RB1: variants seen among roughly 807,000 people sequenced by gnomAD.
RB1 encodes the protein RB transcriptional corepressor 1, also known as retinoblastoma-associated protein.
Under a neutral mutation model 135.4 loss-of-function variants are expected in RB1, and 18 were observed. That is an observed-to-expected ratio of 0.13 (90% confidence interval 0.09 to 0.20). RB1 has a LOEUF of 0.20. RB1 is among the 10% of genes least tolerant of loss of function. The probability of loss-of-function intolerance (pLI) is 1.00; values close to 1 mark genes in which losing one functional copy is unlikely to be tolerated. For synonymous variants in RB1, 365 were observed against 373.2 expected (o/e 0.98, Z 0.25); for missense variants, 868 against 1,110.0 (o/e 0.78, Z 3.10).
At chr13:48,412,226 A>C (rs199707535) in intron 17 of RB1, 1 of 1,614,110 alleles carries the variant, frequency 6.2e-7, no homozygotes, top group South Asian at 1.1e-5. Context: ...AAGTAAAAAC[A>C]AAAAGCAAGT....
At chr13:48,342,497 T>G (rs1179131616) in intron 2 of RB1, 102 bp from the exon 3 acceptor site, 2 of 754,064 alleles carry the variant, frequency 2.7e-6, no homozygotes, top group African/African-American at 3.5e-5. Flanking sequence ...ACATTTATTT[T>G]GTATGCTGAA....
intron 17 of RB1, among the ~76,000 whole-genome samples, chr13:48,443,358 C>CT (rs1370070996): frequency 1.3e-5 from 2 of 151,778 alleles, no homozygotes; most frequent in Non-Finnish European, 2.9e-5. Context: ...TATTCATTTG[C>CT]TTTTTTATTT....
chr13:48,348,943 A>G lies in RB1; in HGVS notation c.540-13A>G. ...TTTTCCTGTTTTTTTTCTGCTTTCTATTTGTTTAATAGGATATCTACTGAA... is the reference window on the plus strand; with the variant it reads ...TTTTCCTGTTTTTTTTCTGCTTTCTGTTTGTTTAATAGGATATCTACTGAA... On this transcript the variant is annotated splice_polypyrimidine_tract_variant and intron_variant, in intron 5 of 26. Coordinates refer to ENST00000267163, the MANE Select transcript of RB1 (RefSeq NM_000321.3). 1 of 1,594,364 alleles carries G rather than the reference A, an allele frequency of 6.3e-7. No individual in the cohort carries two copies. Among genetic ancestry groups the G allele is most frequent in the Non-Finnish European group, 8.5e-7 (1 of 1,169,722 alleles).
chr13:48,441,420 T>C (rs963116869), intron 17 of RB1, among the ~76,000 whole-genome samples: 4 of 152,152 alleles, frequency 2.6e-5, no homozygotes, highest in African/African-American at 9.7e-5. Context: ...TCCAAACATA[T>C]AGAAGTAGTA....
At chr13:48,386,316 A>G (rs1188238050) in intron 17 of RB1, among the ~76,000 whole-genome samples, 15 of 152,034 alleles carry the variant, frequency 9.9e-5, no homozygotes, top group Admixed American at 9.8e-4. Context: ...CCTGCTACAC[A>G]TCAGGGTAGG....
intron 17 of RB1, among the ~76,000 whole-genome samples, chr13:48,425,575 A>G (rs1949067976): frequency 6.6e-6 from 1 of 152,162 alleles, no homozygotes; most frequent in South Asian, 2.1e-4. Context: ...CCAAGTTACT[A>G]AAAATTAATG....
At chr13:48,340,541 AT>A (rs1952432915) in intron 2 of RB1, among the ~76,000 whole-genome samples, 1 of 150,722 alleles carries the variant, frequency 6.6e-6, no homozygotes. Flanking sequence ...AACATACTAA[AT>A]TTTAGCAACT....
At chr13:48,430,676 G>T (rs1311363903) in intron 17 of RB1, among the ~76,000 whole-genome samples, 6 of 152,082 alleles carry the variant, frequency 3.9e-5, no homozygotes, top group African/African-American at 1.4e-4. Flanking sequence ...GGGGGCGGAG[G>T]TTGCAGTGAG....
chr13:48,392,349 G>A (rs1948617335), intron 17 of RB1, among the ~76,000 whole-genome samples: 1 of 152,024 alleles, frequency 6.6e-6, no homozygotes. Flanking sequence ...GATCTCAGGT[G>A]ACCCACCCAC....
intron 17 of RB1, among the ~76,000 whole-genome samples, chr13:48,435,228 G>A (rs1207754572): frequency 6.6e-6 from 1 of 152,128 alleles, no homozygotes; most frequent in African/African-American, 2.4e-5. Context: ...CCATCATTTG[G>A]TGATGTCTTT....
intron 17 of RB1, chr13:48,426,884 T>A (rs1371801357): frequency 6.6e-6 from 1 of 152,322 alleles, no homozygotes; most frequent in Non-Finnish European, 1.5e-5. Flanking sequence ...ACAGGAAGCA[T>A]GGCATCAGCT....
chr13:48,456,818 C>G (rs1001549128), intron 19 of RB1, among the ~76,000 whole-genome samples: 13 of 152,220 alleles, frequency 8.5e-5, no homozygotes, highest in Admixed American at 6.5e-5. Flanking sequence ...TGCACCTGGA[C>G]CAGACACACC....
chr13:48,403,783 C>T (rs1303980434), intron 17 of RB1, among the ~76,000 whole-genome samples: 6 of 152,074 alleles, frequency 3.9e-5, no homozygotes, highest in Non-Finnish European at 7.4e-5. Flanking sequence ...CTGGGTACTA[C>T]ACTTTGTGAG....
At chr13:48,386,443 T>C (rs2138152095) in intron 17 of RB1, among the ~76,000 whole-genome samples, 1 of 152,314 alleles carries the variant, frequency 6.6e-6, no homozygotes, top group South Asian at 2.1e-4. Flanking sequence ...GAAAGTTGCA[T>C]ACCAAAGTAT....
chr13:48,471,573 T>TAAATAA (rs1555294965), intron 23 of RB1, among the ~76,000 whole-genome samples: 21 of 133,970 alleles, frequency 1.6e-4, no homozygotes, highest in African/African-American at 5.7e-4. Context: ...AAAATATAAA[T>TAAATAA]AAAAAAAAAA....
chr13:48,304,096 G>A (rs1037709289), intron 1 of RB1, 47 bp downstream of exon 1: 1 of 1,369,864 alleles, frequency 7.3e-7, no homozygotes, highest in Non-Finnish European at 9.3e-7. Flanking sequence ...GGGCGCCCCG[G>A]GTGTGCGTAG....
At chr13:48,351,191 C>A (rs780564459) in intron 6 of RB1, among the ~76,000 whole-genome samples, 1 of 152,182 alleles carries the variant, frequency 6.6e-6, no homozygotes, top group Non-Finnish European at 1.5e-5. Context: ...AATTTACACT[C>A]CCAACCAAGA....
rs779630239 is a variant in RB1 at position 48,348,926 on chromosome 13, TTTTTTTTCTGC to T, written c.540-26_540-16del. ...TTCTTTCAGTGATACATTTTTCCTG[TTTTTTTTCTGC>T]TTTCTATTTGTTTAATAGGATATCT... On this transcript the variant is annotated intron_variant, in intron 5 of 26. Transcript: ENST00000267163. 6.3e-7 allele frequency: 1 copy of T among 1,590,194 alleles called. No homozygotes were observed. The highest frequency in any genetic ancestry group is 8.6e-7 in the Non-Finnish European group (1 of 1,167,996).
intron 24 of RB1, among the ~76,000 whole-genome samples, chr13:48,475,874 C>T (rs762969881): frequency 1.3e-5 from 2 of 152,132 alleles, no homozygotes; most frequent in East Asian, 1.9e-4. Context: ...AGCTATGGGA[C>T]CTTATAAGGA....
Sources: gnomAD v4.1 joint callset for allele counts (sites outside exome capture counted in the v4.1 genomes callset) on GRCh38, gnomAD v4.1.1 for gene constraint, MANE v1.5 for transcripts, NCBI Gene and HGNC (gene_info 2026-07-23, HGNC 2026-07-21) for gene names.